IQGAP2: variants seen among roughly 807,000 people sequenced by gnomAD.
IQGAP2 encodes IQ motif containing GTPase activating protein 2.
A neutral mutation model predicts 201.3 loss-of-function variants in IQGAP2; 173 were observed. The observed-to-expected ratio is 0.86, with a 90% CI of 0.76 to 0.98. The LOEUF (loss-of-function observed/expected upper bound fraction) is 0.98. IQGAP2 is among the 50% of genes least tolerant of loss of function. The pLI is 0.00. For missense variants in IQGAP2, 1,687 were observed against 1,864.8 expected, an observed-to-expected ratio of 0.90 and a Z score of 1.76; for synonymous variants, 675 against 673.9, an observed-to-expected ratio of 1.00 and a Z score of -0.03.
At chr5:76,658,764 G>A (rs1742984523) in intron 21 of IQGAP2, 97 bp downstream of exon 21, 1 of 1,016,002 alleles carries the variant, frequency 9.8e-7, no homozygotes, top group Non-Finnish European at 1.5e-6. Context: ...TCTCAGAAAT[G>A]TAGCATTAGG....
chr5:76,683,373 T>C (rs1179594256), intron 29 of IQGAP2, among the ~76,000 whole-genome samples, 156 bp downstream of exon 29: 1 of 152,220 alleles, frequency 6.6e-6, no homozygotes, highest in Non-Finnish European at 1.5e-5. Flanking sequence ...TGCCCCTTCC[T>C]ACAGTAAGAG....
At chr5:76,676,565 G>C (rs370930147) in intron 27 of IQGAP2, among the ~76,000 whole-genome samples, 3 of 152,252 alleles carry the variant, frequency 2.0e-5, no homozygotes, top group Admixed American at 6.5e-5. Context: ...ATTCAACTGT[G>C]ATCACAGCAT....
At chr5:76,696,124 A>G (rs375462208) in intron 32 of IQGAP2, among the ~76,000 whole-genome samples, 15 of 152,156 alleles carry the variant, frequency 9.9e-5, no homozygotes, top group African/African-American at 1.9e-4. Context: ...AGAGAAAACA[A>G]TCACAACACT....
chr5:76,404,214 G>C (rs896411556), intron 1 of IQGAP2, among the ~76,000 whole-genome samples: 1 of 152,140 alleles, frequency 6.6e-6, no homozygotes, highest in Non-Finnish European at 1.5e-5. Context: ...GAGGATTGCT[G>C]TGTGGAGAGG....
chr5:76,554,881 A>T (rs944173873), intron 2 of IQGAP2, among the ~76,000 whole-genome samples: 1 of 152,232 alleles, frequency 6.6e-6, no homozygotes, highest in African/African-American at 2.4e-5. Context: ...TATCATTCAC[A>T]ATAGTCAAAA....
At chr5:76,695,863 T>A (rs911935307) in intron 32 of IQGAP2, among the ~76,000 whole-genome samples, 197 bp downstream of exon 32, 7 of 128,328 alleles carry the variant, frequency 5.5e-5, no homozygotes, top group African/African-American at 2.1e-4. Context: ...TTTTTTGAGT[T>A]GGAGCCTCGC....
intron 13 of IQGAP2, chr5:76,618,521 G>A (rs748180614): frequency 1.2e-6 from 2 of 1,614,046 alleles, no homozygotes; most frequent in African/African-American, 2.7e-5. Flanking sequence ...CAGTAATCGT[G>A]GCTCCTGTCC....
chr5:76,403,483 A>G lies in IQGAP2; in HGVS notation c.-63A>G. On this transcript the variant is annotated 5_prime_UTR_variant, in exon 1 of 36. Transcript: ENST00000274364. This position sits in a 1 kb window ranked among gnomAD's most constrained non-coding sequence, Gnocchi z 4.8. Reference sequence around the variant, plus strand: ...GCGCCGGCGGGGCGCAGAGCCCGCGAGCCTGGCCAGCGAGGGTAGCCGCGG... The same window carrying G: ...GCGCCGGCGGGGCGCAGAGCCCGCGGGCCTGGCCAGCGAGGGTAGCCGCGG... 7.6e-7 allele frequency: 1 copy of G among 1,307,528 alleles called. No individual in the cohort carries two copies. The highest frequency in any genetic ancestry group is 9.9e-7 in the Non-Finnish European group (1 of 1,010,756). 81.0% of individuals were successfully genotyped at this position (1,307,528 alleles called of 1,614,324 possible). A position where few individuals can be genotyped will look rare whatever the true frequency, so the allele number is the denominator to read the frequency against.
chr5:76,666,722 G>A (rs1188956344), intron 22 of IQGAP2, among the ~76,000 whole-genome samples: 1 of 152,054 alleles, frequency 6.6e-6, no homozygotes, highest in Non-Finnish European at 1.5e-5. Flanking sequence ...GGATTCCTTC[G>A]ACCCGTTGGT....
chr5:76,583,331 C>T (rs994877889), intron 5 of IQGAP2, among the ~76,000 whole-genome samples: 3 of 151,792 alleles, frequency 2.0e-5, no homozygotes, highest in Admixed American at 1.3e-4. Context: ...AACATTTGCC[C>T]GTTTGAGTAA....
intron 3 of IQGAP2, among the ~76,000 whole-genome samples, chr5:76,565,832 C>G (rs955868633): frequency 6.6e-6 from 1 of 152,162 alleles, no homozygotes; most frequent in African/African-American, 2.4e-5. Context: ...GGTGCTCAAG[C>G]CTCCTGCAGA....
At chr5:76,627,317 AAT>A in intron 13 of IQGAP2, 91 bp from the exon 14 acceptor site, 1 of 868,016 alleles carries the variant, frequency 1.2e-6, no homozygotes, top group East Asian at 2.4e-5. Context: ...AATTTGTGGG[AAT>A]TATGATTAAA....
chr5:76,483,724 G>A (rs188683620), intron 2 of IQGAP2, among the ~76,000 whole-genome samples: 12 of 152,352 alleles, frequency 7.9e-5, no homozygotes, highest in Admixed American at 3.3e-4. Context: ...GTTGGGATAT[G>A]TGTGTGTCTG....
intron 32 of IQGAP2, 89 bp downstream of exon 32, chr5:76,695,755 A>T: frequency 1.1e-6 from 1 of 931,646 alleles, no homozygotes; most frequent in East Asian, 3.0e-5. Flanking sequence ...AGGTGGCATT[A>T]GGGATTCATG....
intron 2 of IQGAP2, among the ~76,000 whole-genome samples, chr5:76,556,325 C>T (rs1462908232): frequency 1.3e-5 from 2 of 152,122 alleles, no homozygotes; most frequent in African/African-American, 4.8e-5. Flanking sequence ...CTTTACAGTA[C>T]AGGTGGCTGG....
chr5:76,486,697 A>G (rs1484059954), intron 2 of IQGAP2, among the ~76,000 whole-genome samples: 1 of 152,186 alleles, frequency 6.6e-6, no homozygotes, highest in Non-Finnish European at 1.5e-5. Flanking sequence ...CTTAAAAGTG[A>G]CAACACCCAT....
chr5:76,574,567 C>A (rs998342025), intron 4 of IQGAP2, among the ~76,000 whole-genome samples: 2 of 152,194 alleles, frequency 1.3e-5, no homozygotes, highest in Non-Finnish European at 1.5e-5. Context: ...CTGCACCTGG[C>A]CTGAAATCTG....
chr5:76,599,563 T>G (rs1279718209), intron 10 of IQGAP2, among the ~76,000 whole-genome samples: 1 of 152,206 alleles, frequency 6.6e-6, no homozygotes, highest in Non-Finnish European at 1.5e-5. Context: ...ATACTTTGTA[T>G]GTTAAACTTG....
chr5:76,604,670 G>A (rs1002847696), intron 11 of IQGAP2, among the ~76,000 whole-genome samples: 44 of 152,202 alleles, frequency 2.9e-4, no homozygotes, highest in African/African-American at 9.6e-4. Context: ...AGGACTTTGC[G>A]CTTTTGGAAT....
Sources: allele counts gnomAD v4.1 joint callset (sites outside exome capture counted in the v4.1 genomes callset), GRCh38; gene constraint gnomAD v4.1.1; non-coding constraint Gnocchi (gnomAD v3.1); transcripts MANE v1.5; gene names NCBI Gene and HGNC (gene_info 2026-07-23, HGNC 2026-07-21).